The following SGCZ variants were observed in gnomAD, a reference collection of about 807,000 sequenced individuals.
SGCZ encodes sarcoglycan zeta, also known as zeta-sarcoglycan.
A neutral mutation model predicts 41.3 loss-of-function variants in SGCZ; 40 were observed. The observed-to-expected ratio is 0.97, with a 90% CI of 0.75 to 1.26. The LOEUF is 1.26. Ranked by LOEUF, SGCZ falls within the 50% of genes most tolerant of loss-of-function variation. SGCZ has a pLI of 0.00. For missense variants in SGCZ, 552 were observed against 369.8 expected (o/e 1.49, Z -4.04); for synonymous variants, 206 against 137.5 (o/e 1.50, Z -3.49).
chr8:14,379,402 A>G (rs1462771997), intron 2 of SGCZ, among the ~76,000 whole-genome samples: 1 of 152,192 alleles, frequency 6.6e-6, no homozygotes, highest in Non-Finnish European at 1.5e-5. Flanking sequence ...AAGATAATGT[A>G]GTTAGAAATA....
At chr8:15,219,449 G>A (rs73537903) in intron 1 of SGCZ, among the ~76,000 whole-genome samples, 2,855 of 152,114 alleles carry the variant, frequency 0.019, 81 homozygotes, top group African/African-American at 0.064. Context: ...CCTATTATTC[G>A]TTGGTCAAAA....
intron 1 of SGCZ, among the ~76,000 whole-genome samples, chr8:15,170,563 T>G (rs1311068439): frequency 6.6e-6 from 1 of 152,220 alleles, no homozygotes; most frequent in Non-Finnish European, 1.5e-5. Context: ...CTGGGGAATT[T>G]GAAAACCCAC....
chr8:14,317,907 C>A (rs1313176398), intron 3 of SGCZ, among the ~76,000 whole-genome samples: 1 of 150,310 alleles, frequency 6.7e-6, no homozygotes, highest in Non-Finnish European at 1.5e-5. Flanking sequence ...ATTTTGAAGA[C>A]AAAATGCACG....
At chr8:14,848,559 T>A (rs762868022) in intron 1 of SGCZ, among the ~76,000 whole-genome samples, 3 of 152,204 alleles carry the variant, frequency 2.0e-5, no homozygotes, top group Non-Finnish European at 4.4e-5. Flanking sequence ...CACACACGTA[T>A]GGAAATTTCT....
chr8:14,247,376 C>A (rs754479781), intron 3 of SGCZ, among the ~76,000 whole-genome samples: 3 of 152,074 alleles, frequency 2.0e-5, no homozygotes, highest in East Asian at 1.9e-4. Context: ...GAATATGTAT[C>A]CAGAATGATG....
intron 2 of SGCZ, among the ~76,000 whole-genome samples, chr8:14,432,701 G>A (rs937571547): frequency 1.3e-5 from 2 of 152,116 alleles, no homozygotes; most frequent in African/African-American, 4.8e-5. Context: ...ATCACCTGAG[G>A]TCGGGAGTTC....
At chr8:14,149,656 G>GA (rs35798060) in intron 5 of SGCZ, among the ~76,000 whole-genome samples, 131,184 of 140,468 alleles carry the variant, frequency 0.93, 61,409 homozygotes, top group Middle Eastern at 0.98. Flanking sequence ...TTCTTCATAG[G>GA]AAAAAAAAAA....
chr8:14,977,414 A>G (rs1287651876), intron 1 of SGCZ, among the ~76,000 whole-genome samples: 1 of 152,206 alleles, frequency 6.6e-6, no homozygotes, highest in Non-Finnish European at 1.5e-5. Context: ...ATGCTGAAAA[A>G]CATTACTTTA....
chr8:14,881,274 A>G (rs1436658731), intron 1 of SGCZ, among the ~76,000 whole-genome samples: 1 of 152,116 alleles, frequency 6.6e-6, no homozygotes, highest in Non-Finnish European at 1.5e-5. Context: ...ATCATGATCA[A>G]TTAGTGCATA....
intron 2 of SGCZ, among the ~76,000 whole-genome samples, chr8:14,460,814 A>G (rs1329758942): frequency 6.6e-6 from 1 of 152,156 alleles, no homozygotes; most frequent in Non-Finnish European, 1.5e-5. Context: ...ATTTGTATTC[A>G]ATTTAGATAC....
At chr8:14,601,924 T>C (rs1009731467) in intron 1 of SGCZ, among the ~76,000 whole-genome samples, 7 of 151,978 alleles carry the variant, frequency 4.6e-5, no homozygotes, top group Non-Finnish European at 8.8e-5. Context: ...ATCGAGACCA[T>C]CCGGGCTAAC....
intron 1 of SGCZ, among the ~76,000 whole-genome samples, chr8:14,904,680 T>C (rs910518466): frequency 9.9e-5 from 15 of 152,004 alleles, no homozygotes; most frequent in African/African-American, 3.6e-4. Context: ...ATAAGATTCA[T>C]ACACAGCATT....
chr8:15,008,537 A>G (rs1231849706), intron 1 of SGCZ, among the ~76,000 whole-genome samples: 2 of 49,166 alleles, frequency 4.1e-5, no homozygotes. Flanking sequence ...GGAAGGAAGG[A>G]AGGAAGGGAG....
chr8:14,747,271 C>G (rs1490663208), intron 1 of SGCZ, among the ~76,000 whole-genome samples: 1 of 152,148 alleles, frequency 6.6e-6, no homozygotes, highest in East Asian at 1.9e-4. Context: ...CGTCTCCTGT[C>G]CCCAGGATGT....
At chr8:14,344,793 A>C (rs950165359) in intron 2 of SGCZ, among the ~76,000 whole-genome samples, 8 of 152,100 alleles carry the variant, frequency 5.3e-5, no homozygotes, top group African/African-American at 1.9e-4. Flanking sequence ...AATATAAACC[A>C]CGATGATATA....
intron 1 of SGCZ, among the ~76,000 whole-genome samples, chr8:14,577,920 C>G (rs1804764265): frequency 6.6e-6 from 1 of 152,058 alleles, no homozygotes; most frequent in Non-Finnish European, 1.5e-5. Flanking sequence ...AGGAAATGAA[C>G]AAAAGAGTAT....
chr8:14,473,057 A>G (rs1251649537), intron 2 of SGCZ, among the ~76,000 whole-genome samples: 2 of 152,152 alleles, frequency 1.3e-5, no homozygotes, highest in Non-Finnish European at 2.9e-5. Context: ...CTAATTCTGA[A>G]TGATACCTAG....
At chr8:14,776,518 CTTT>C (rs35602866) in intron 1 of SGCZ, among the ~76,000 whole-genome samples, 1 of 116,630 alleles carries the variant, frequency 8.6e-6, no homozygotes, top group African/African-American at 3.1e-5. Context: ...TTTTCTTTTT[CTTT>C]TTTTTTTTTT....
intron 1 of SGCZ, among the ~76,000 whole-genome samples, chr8:14,917,109 G>A (rs993402912): frequency 6.6e-6 from 1 of 152,088 alleles, no homozygotes; most frequent in African/African-American, 2.4e-5. Context: ...TGCAGGTACA[G>A]CTATTAGCTA....
Sources: gnomAD v4.1 joint callset for allele counts (sites outside exome capture counted in the v4.1 genomes callset) on GRCh38, gnomAD v4.1.1 for gene constraint, MANE v1.5 for transcripts, NCBI Gene and HGNC (gene_info 2026-07-23, HGNC 2026-07-21) for gene names.